MERTK: variants seen among roughly 807,000 people sequenced by gnomAD.
The protein encoded by MERTK is tyrosine-protein kinase Mer.
A neutral mutation model predicts 99.3 loss-of-function variants in MERTK; 69 were observed. The ratio of observed to expected loss-of-function variants is 0.70; its 90% CI spans 0.57 to 0.85. MERTK has a LOEUF of 0.85. Among genes scored for constraint, MERTK ranks in the 40% least tolerant of loss-of-function variants. MERTK has a pLI of 0.00. For missense variants in MERTK, 1,125 were observed against 1,249.4 expected (o/e 0.90, Z 1.50); for synonymous variants, 426 against 467.6 (o/e 0.91, Z 1.15).
At chr2:111,947,636 T>G in intron 4 of MERTK, 69 bp downstream of exon 4, 1 of 1,563,670 alleles carries the variant, frequency 6.4e-7, no homozygotes, top group Non-Finnish European at 8.8e-7. Flanking sequence ...TTGGCGACCC[T>G]TGCTGTGCAC....
rs368463860 is a variant in MERTK, at chr2:112,027,221, G to T, written c.2487-1130G>T. ...TTTTTATATATATACACATTTTCAG[G>T]CCAGGCATATTAATTGGCATGCATA... is the stretch of plus-strand genomic sequence containing the variant. On this transcript the variant is annotated intron_variant, in intron 18 of 18. Coordinates refer to ENST00000295408, the MANE Select transcript of MERTK (RefSeq NM_006343.3). 4.5e-4 allele frequency among the ~76,000 whole-genome samples: 66 copies of T among 147,696 alleles called. No individual in the cohort carries two copies. The East Asian group carries it at 0.011, about 24-fold the overall frequency.
chr2:111,980,412 CTTTTTTTTTTT>C (rs34831521), intron 7 of MERTK, among the ~76,000 whole-genome samples: 32 of 100,980 alleles, frequency 3.2e-4, no homozygotes, highest in African/African-American at 1.0e-3. Flanking sequence ...GCAACTATTT[CTTTTTTTTTTT>C]TTTTTTTTTT....
chr2:112,020,801 C>T (rs1474961293), intron 16 of MERTK: 3 of 401,254 alleles, frequency 7.5e-6, no homozygotes, highest in East Asian at 1.4e-4. Flanking sequence ...CTTTCTGCTC[C>T]TGCTATGCTG....
At position 111,982,934 on chromosome 2, in the gene MERTK, C is replaced by G. The variant is rs771110902; in HGVS notation, c.1237C>G (p.Gln413Glu). The G allele has an allele frequency of 1.2e-6, 2 of 1,614,116 alleles. No individual in the cohort carries two copies. Among genetic ancestry groups the G allele is most frequent in the South Asian group, 1.1e-5 (1 of 91,084 alleles). ...ATGGATGAAGCCTCCGACTAAGCAG[C>G]AGGATGGAGAACTGGTGGGCTACCG... ...IRWMKPPTKQ[Q>E]DGELVGYRIS... Residue 413 changes from glutamine (Q) to glutamate (E), a missense_variant, in exon 8 of 19, where the codon CAG (glutamine) becomes GAG (glutamate). Coordinates refer to ENST00000295408, the MANE Select transcript of MERTK (RefSeq NM_006343.3).
intron 16 of MERTK, among the ~76,000 whole-genome samples, chr2:112,019,867 C>A (rs1677299052): frequency 6.6e-6 from 1 of 152,192 alleles, no homozygotes; most frequent in South Asian, 2.1e-4. Context: ...TTAAAGACAG[C>A]AGTGAAAATC....
intron 18 of MERTK, among the ~76,000 whole-genome samples, chr2:112,023,357 T>C (rs2104425545): frequency 6.6e-6 from 1 of 152,060 alleles, no homozygotes; most frequent in Non-Finnish European, 1.5e-5. Flanking sequence ...GAGCTTGCGG[T>C]GAGCTGAGAT....
chr2:111,996,299 C>T (rs1208537274), intron 9 of MERTK: 2 of 154,288 alleles, frequency 1.3e-5, no homozygotes, highest in African/African-American at 2.4e-5. Context: ...GCTGCTGGCT[C>T]TTCAGGCCAC....
At chr2:111,944,823 C>T (rs927490643) in intron 2 of MERTK, 137 bp from the exon 3 acceptor site, 7 of 735,568 alleles carry the variant, frequency 9.5e-6, no homozygotes, top group South Asian at 3.0e-5. Context: ...CAAACAACTG[C>T]GTACAATGGC....
At chr2:111,899,554 G>A (rs1313215161) in intron 1 of MERTK, among the ~76,000 whole-genome samples, 1 of 151,572 alleles carries the variant, frequency 6.6e-6, no homozygotes, top group Non-Finnish European at 1.5e-5. Context: ...GTCTCGCCCT[G>A]TCGCCCAGGC....
intron 7 of MERTK, among the ~76,000 whole-genome samples, chr2:111,980,698 G>C (rs1452453291): frequency 1.3e-5 from 2 of 152,142 alleles, no homozygotes; most frequent in African/African-American, 2.4e-5. Context: ...GATTACAGGC[G>C]TGACCCACTG....
intron 2 of MERTK, among the ~76,000 whole-genome samples, chr2:111,938,389 A>G (rs1020527145): frequency 1.4e-4 from 21 of 152,140 alleles, no homozygotes; most frequent in African/African-American, 5.1e-4. Context: ...GAGTTTGACT[A>G]CTACAACTAC....
At chr2:112,022,434 G>T (rs202005384) in intron 18 of MERTK, 40 bp downstream of exon 18, 2 of 1,613,974 alleles carry the variant, frequency 1.2e-6, no homozygotes, top group Non-Finnish European at 1.7e-6. Flanking sequence ...ACTCTGCATG[G>T]GGCAGCCACC....
intron 8 of MERTK, among the ~76,000 whole-genome samples, chr2:111,991,912 T>G (rs1343933211): frequency 2.6e-5 from 4 of 152,186 alleles, no homozygotes; most frequent in Non-Finnish European, 1.5e-5. Context: ...CTTCAGAGCT[T>G]TAACGGTGAA....
intron 11 of MERTK, among the ~76,000 whole-genome samples, chr2:112,002,797 A>G (rs563155448): frequency 6.6e-6 from 1 of 152,160 alleles, no homozygotes; most frequent in African/African-American, 2.4e-5. Flanking sequence ...CAGATGATAA[A>G]ACCCGTCTCT....
intron 6 of MERTK, among the ~76,000 whole-genome samples, chr2:111,974,226 TA>T (rs71385852): frequency 0.39 from 22,880 of 58,144 alleles, 3,185 homozygotes; most frequent in African/African-American, 0.47. Context: ...CCACCTCTAC[TA>T]AAAAAAAAAA....
intron 1 of MERTK, among the ~76,000 whole-genome samples, chr2:111,899,679 G>A (rs1684007607): frequency 6.6e-6 from 1 of 152,066 alleles, no homozygotes; most frequent in South Asian, 2.1e-4. Flanking sequence ...TACCACGTCC[G>A]GCTAATTTTT....
intron 7 of MERTK, among the ~76,000 whole-genome samples, chr2:111,977,146 A>T (rs1398715159): frequency 6.6e-6 from 1 of 152,176 alleles, no homozygotes; most frequent in African/African-American, 2.4e-5. Context: ...ATTTTATCTG[A>T]CATCATTCTC....
chr2:111,930,816 T>C (rs1361889830), intron 2 of MERTK, among the ~76,000 whole-genome samples: 1 of 152,164 alleles, frequency 6.6e-6, no homozygotes, highest in Non-Finnish European at 1.5e-5. Context: ...ATGCTTCTCT[T>C]CTTGCCACCC....
chr2:111,901,961 C>T (rs2001444), intron 1 of MERTK, among the ~76,000 whole-genome samples: 36,446 of 152,064 alleles, frequency 0.24, 4,733 homozygotes, highest in South Asian at 0.32. Context: ...CTCGGCTCAC[C>T]GCAACTTCCC....
Sources: gnomAD v4.1 joint callset for allele counts (sites outside exome capture counted in the v4.1 genomes callset) on GRCh38, gnomAD v4.1.1 for gene constraint, MANE v1.5 for transcripts, NCBI Gene and HGNC (gene_info 2026-07-23, HGNC 2026-07-21) for gene names.